Variants in L3MBTL4 observed in about 807,000 individuals in gnomAD.
The protein encoded by L3MBTL4 is lethal(3)malignant brain tumor-like protein 4.
A neutral mutation model predicts 84.5 loss-of-function variants in L3MBTL4; 70 were observed. That is an observed-to-expected ratio of 0.83 (90% CI 0.68 to 1.01). The LOEUF (loss-of-function observed/expected upper bound fraction) is 1.01. Among genes scored for constraint, L3MBTL4 ranks in the 50% least tolerant of loss-of-function variants. The pLI is 0.00. For synonymous variants in L3MBTL4, 274 were observed against 259.8 expected, an observed-to-expected ratio of 1.05 and a Z score of -0.52; for missense variants, 715 against 754.8, an observed-to-expected ratio of 0.95 and a Z score of 0.62.
chr18:5,964,260 G>T (rs1226677501), intron 17 of L3MBTL4, among the ~76,000 whole-genome samples: 1 of 152,222 alleles, frequency 6.6e-6, no homozygotes, highest in Non-Finnish European at 1.5e-5. Context: ...ACACTGCCCA[G>T]GCTCTGAGAG....
chr18:6,146,832 A>G (rs114261945), intron 13 of L3MBTL4, among the ~76,000 whole-genome samples: 1,691 of 152,294 alleles, frequency 0.011, 48 homozygotes, highest in African/African-American at 0.039. Context: ...ACGGGGTGAT[A>G]GGCCAGTATC....
chr18:6,381,539 T>C (rs952651695), intron 1 of L3MBTL4, among the ~76,000 whole-genome samples: 3 of 152,246 alleles, frequency 2.0e-5, no homozygotes, highest in African/African-American at 7.2e-5. Flanking sequence ...GGTGACAAAA[T>C]CTCTCAGCAT....
intron 1 of L3MBTL4, among the ~76,000 whole-genome samples, chr18:6,344,783 G>A (rs766289313): frequency 1.3e-5 from 2 of 151,732 alleles, no homozygotes; most frequent in African/African-American, 4.8e-5. Context: ...GATAAAAATC[G>A]TGATCATTTC....
intron 10 of L3MBTL4, among the ~76,000 whole-genome samples, chr18:6,225,522 G>A (rs577724138): frequency 5.8e-4 from 88 of 152,174 alleles, no homozygotes; most frequent in Non-Finnish European, 1.1e-3. Flanking sequence ...CACTTTGGGA[G>A]GCCAAGGCAG....
At chr18:6,044,023 G>A (rs1374018383) in intron 16 of L3MBTL4, among the ~76,000 whole-genome samples, 1 of 152,142 alleles carries the variant, frequency 6.6e-6, no homozygotes, top group Non-Finnish European at 1.5e-5. Flanking sequence ...TATGTTGAAT[G>A]GCTGAGCAAA....
intron 1 of L3MBTL4, among the ~76,000 whole-genome samples, chr18:6,341,374 C>T (rs2052600872): frequency 6.6e-6 from 1 of 151,674 alleles, no homozygotes; most frequent in Non-Finnish European, 1.5e-5. Flanking sequence ...TGATAGAAAA[C>T]TAAATTATAT....
intron 1 of L3MBTL4, among the ~76,000 whole-genome samples, chr18:6,384,038 A>G (rs1269257833): frequency 1.3e-5 from 2 of 152,160 alleles, no homozygotes; most frequent in African/African-American, 4.8e-5. Context: ...TGGAAGCCCA[A>G]TAACTGACTT....
chr18:6,183,869 T>C (rs1182253282), intron 12 of L3MBTL4, among the ~76,000 whole-genome samples: 1 of 152,192 alleles, frequency 6.6e-6, no homozygotes, highest in East Asian at 1.9e-4. Flanking sequence ...AGTAAGCCAA[T>C]AGCAAAGGGG....
At chr18:6,239,943 A>G in intron 8 of L3MBTL4, 71 bp from the exon 9 acceptor site, 3 of 1,543,630 alleles carry the variant, frequency 1.9e-6, no homozygotes, top group South Asian at 1.1e-5. Flanking sequence ...GCCACTGTCA[A>G]AACTTCTATG....
At chr18:5,981,914 C>G (rs574965724) in intron 16 of L3MBTL4, among the ~76,000 whole-genome samples, 1 of 151,520 alleles carries the variant, frequency 6.6e-6, no homozygotes, top group African/African-American at 2.4e-5. Context: ...GCAACATGCA[C>G]AGACACTGTA....
At chr18:6,368,610 CT>C (rs1354349378) in intron 1 of L3MBTL4, among the ~76,000 whole-genome samples, 1 of 152,176 alleles carries the variant, frequency 6.6e-6, no homozygotes, top group East Asian at 1.9e-4. Flanking sequence ...GTTTAAGAGA[CT>C]TCCAAAAAGT....
intron 14 of L3MBTL4, among the ~76,000 whole-genome samples, chr18:6,113,448 T>C (rs1270949710): frequency 8.5e-6 from 1 of 117,492 alleles, no homozygotes; most frequent in Non-Finnish European, 1.7e-5. Flanking sequence ...GTGTATTAAT[T>C]GGAGGCAAGT....
At chr18:6,012,051 T>C (rs1170841285) in intron 16 of L3MBTL4, among the ~76,000 whole-genome samples, 1 of 152,160 alleles carries the variant, frequency 6.6e-6, no homozygotes, top group African/African-American at 2.4e-5. Context: ...AAATCTGAAA[T>C]AACTCCTTAA....
At chr18:6,150,292 C>T (rs1239371604) in intron 13 of L3MBTL4, among the ~76,000 whole-genome samples, 1 of 152,100 alleles carries the variant, frequency 6.6e-6, no homozygotes, top group Non-Finnish European at 1.5e-5. Flanking sequence ...CTGAAAAGTA[C>T]ATCTAAAGCG....
At chr18:6,053,691 G>T (rs1156511105) in intron 16 of L3MBTL4, among the ~76,000 whole-genome samples, 2 of 152,094 alleles carry the variant, frequency 1.3e-5, no homozygotes, top group Non-Finnish European at 1.5e-5. Context: ...TTGCTTCTCT[G>T]GTTGCGCCTA....
chr18:6,115,275 C>A (rs2059323052), intron 14 of L3MBTL4, among the ~76,000 whole-genome samples: 1 of 152,124 alleles, frequency 6.6e-6, no homozygotes, highest in Admixed American at 6.5e-5. Context: ...AGGAAAACAA[C>A]CTGGTGGCCC....
rs540375995 is a variant in L3MBTL4, at chr18:6,155,401, G to A, written c.1096+16427C>T. 5.9e-5 allele frequency among the ~76,000 whole-genome samples: 9 copies of A among 152,258 alleles called. No homozygotes were observed. The South Asian group carries it at 1.7e-3, about 28-fold the overall frequency. ...GCGAGGCTACTGGCTGCTCAGAGAA[G>A]GTCTGACTTTGTATCTGCAACACCT... On this transcript the variant is annotated intron_variant, in intron 13 of 18. Transcript: ENST00000317931.
intron 16 of L3MBTL4, among the ~76,000 whole-genome samples, chr18:6,015,683 G>A (rs2054934185): frequency 1.3e-5 from 2 of 152,218 alleles, no homozygotes; most frequent in African/African-American, 4.8e-5. Context: ...TCATGGCTGG[G>A]TGCGGTGGCT....
At chr18:6,329,183 T>C (rs1275674468) in intron 1 of L3MBTL4, among the ~76,000 whole-genome samples, 1 of 150,328 alleles carries the variant, frequency 6.7e-6, no homozygotes, top group African/African-American at 2.5e-5. Flanking sequence ...AGACGGAGTT[T>C]GGCTTTGTCG....
Sources: allele counts gnomAD v4.1 joint callset (sites outside exome capture counted in the v4.1 genomes callset), GRCh38; gene constraint gnomAD v4.1.1; transcripts MANE v1.5; gene names NCBI Gene and HGNC (gene_info 2026-07-23, HGNC 2026-07-21).